Variants in ZNF585A observed in about 807,000 individuals in gnomAD.
The protein encoded by ZNF585A is zinc finger protein 585A.
A neutral mutation model predicts 14.9 loss-of-function variants in ZNF585A; 9 were observed. The ratio of observed to expected loss-of-function variants is 0.60; its 90% CI spans 0.36 to 1.05. The LOEUF (loss-of-function observed/expected upper bound fraction) is 1.05. ZNF585A is among the 50% of genes least tolerant of loss of function. ZNF585A has a pLI of 0.01. For missense variants in ZNF585A, 726 were observed against 926.4 expected, an observed-to-expected ratio of 0.78 and a Z score of 2.81; for synonymous variants, 276 against 319.9, an observed-to-expected ratio of 0.86 and a Z score of 1.46.
At position 37,148,094 on chromosome 19, in the gene ZNF585A, A is replaced by C. The variant is rs1971769224; in HGVS notation, c.*3495T>G. The C allele has an allele frequency of 1.3e-5, 2 of 152,214 alleles. No individual in the cohort carries two copies. Among genetic ancestry groups the C allele is most frequent in the Admixed American group, 1.3e-4 (2 of 15,286 alleles). 9.4% of individuals were successfully genotyped at this position (152,214 alleles called of 1,614,324 possible). ...ATGGTTAATAGTATAAGAAGCTGCCAAACTTTTGTGCATAGTGGACAGACC... is the reference window on the plus strand; with the variant it reads ...ATGGTTAATAGTATAAGAAGCTGCCCAACTTTTGTGCATAGTGGACAGACC... On this transcript the variant is annotated 3_prime_UTR_variant, in exon 5 of 5. Coordinates refer to ENST00000292841, the MANE Select transcript of ZNF585A (RefSeq NM_001288800.2).
chr19:37,162,154 C>T (rs2145409683), intron 2 of ZNF585A, among the ~76,000 whole-genome samples: 1 of 152,330 alleles, frequency 6.6e-6, no homozygotes, highest in South Asian at 2.1e-4. Flanking sequence ...GAACTCCTGA[C>T]CTCGGGTCAT....
Position 37,146,442 on chromosome 19 carries a change from G to A in ZNF585A, c.*5147C>T, listed in dbSNP as rs1971745477. ...AGTAGCCCATTTGAGAGCTGAGGGT[G>A]GAGGGTGTGATTCATCCTGGCATTA... is the stretch of plus-strand genomic sequence containing the variant. On this transcript the variant is annotated 3_prime_UTR_variant, in exon 5 of 5. Coordinates refer to ENST00000292841, the MANE Select transcript of ZNF585A (RefSeq NM_001288800.2). 6.6e-6 allele frequency: 1 copy of A among 152,108 alleles called. No individual in the cohort carries two copies. Among genetic ancestry groups the A allele is most frequent in the South Asian group, 2.1e-4 (1 of 4,818 alleles). 9.4% of individuals were successfully genotyped at this position (152,108 alleles called of 1,614,324 possible).
At chr19:37,161,413 T>C (rs1216448113) in intron 2 of ZNF585A, among the ~76,000 whole-genome samples, 1 of 152,204 alleles carries the variant, frequency 6.6e-6, no homozygotes, top group Non-Finnish European at 1.5e-5. Context: ...TTTCAAAACA[T>C]ACATAACATT....
chr19:37,155,724 G>T, intron 4 of ZNF585A, 141 bp downstream of exon 4: 1 of 858,818 alleles, frequency 1.2e-6, no homozygotes, highest in Non-Finnish European at 1.8e-6. Context: ...GAGAGGCCAA[G>T]GGGGCATCAA....
At chr19:37,167,493 T>C (rs934709364) in intron 2 of ZNF585A, among the ~76,000 whole-genome samples, 1 of 152,154 alleles carries the variant, frequency 6.6e-6, no homozygotes, top group Non-Finnish European at 1.5e-5. Flanking sequence ...GTGGTAAAAA[T>C]ACACATAACA....
chr19:37,160,938 G>C (rs866667673), intron 2 of ZNF585A, among the ~76,000 whole-genome samples: 2 of 151,858 alleles, frequency 1.3e-5, no homozygotes, highest in Admixed American at 1.3e-4. Context: ...CGTGATCATC[G>C]GTCACTGCAG....
chr19:37,153,190 T>C lies in ZNF585A; in HGVS notation c.709A>G (p.Thr237Ala). 1 of 1,614,190 alleles carries C rather than the reference T, an allele frequency of 6.2e-7. No individual in the cohort carries two copies. Among genetic ancestry groups the C allele is most frequent in the Non-Finnish European group, 8.5e-7 (1 of 1,180,022 alleles). Residue 237 changes from threonine to alanine, a missense_variant, in exon 5 of 5, where the codon ACT becomes GCT. This residue lies in a region of ZNF585A where 483 missense variants were observed against 542.8 expected (regional missense o/e 0.89). Coordinates refer to ENST00000292841, the MANE Select transcript of ZNF585A (RefSeq NM_001288800.2). Reference protein sequence around the residue: ...SDLSIHEKIHTGERHHECTDC... With the variant: ...SDLSIHEKIHAGERHHECTDC... ...GTGCATTCATGGTGTCTCTCTCCAGTATGAATTTTCTCATGTATACTGAGA... is the reference window on the plus strand; with the variant it reads ...GTGCATTCATGGTGTCTCTCTCCAGCATGAATTTTCTCATGTATACTGAGA...
At chr19:37,158,862 A>C (rs1599750945) in intron 2 of ZNF585A, among the ~76,000 whole-genome samples, 1 of 152,232 alleles carries the variant, frequency 6.6e-6, no homozygotes, top group African/African-American at 2.4e-5. Flanking sequence ...TCCGAGATAC[A>C]TATCAAGGTA....
chr19:37,156,399 G>A (rs1971932188), intron 2 of ZNF585A, 44 bp from the exon 3 acceptor site: 1 of 1,605,032 alleles, frequency 6.2e-7, no homozygotes, highest in African/African-American at 1.3e-5. Flanking sequence ...TCAGCTTAGA[G>A]GGTTGGAGAG....
chr19:37,155,070 G>A (rs1003639437), intron 4 of ZNF585A, among the ~76,000 whole-genome samples: 4 of 147,444 alleles, frequency 2.7e-5, no homozygotes, highest in South Asian at 2.1e-4. Context: ...GCGCGATCTC[G>A]GCTCACTGCA....
intron 2 of ZNF585A, among the ~76,000 whole-genome samples, chr19:37,167,939 A>G (rs965798102): frequency 6.6e-6 from 1 of 152,102 alleles, no homozygotes; most frequent in Non-Finnish European, 1.5e-5. Context: ...CTTACTTTTT[A>G]TTTCTAATTT....
chr19:37,169,960 A>C lies in ZNF585A; in HGVS notation c.-50T>G. On this transcript the variant is annotated 5_prime_UTR_variant, in exon 2 of 5. Transcript: ENST00000292841. ...TTCTGTAGGGTGTCTGAAGCTTGGC[A>C]GTCATCTGTGAACTCAAGCAGAGCT... 2 of 1,588,610 alleles carry C rather than the reference A, an allele frequency of 1.3e-6. No individual in the cohort carries two copies. The highest frequency in any genetic ancestry group is 1.7e-6 in the Non-Finnish European group (2 of 1,170,744).
chr19:37,170,389 AGTT>A (rs1344086226), intron 1 of ZNF585A, among the ~76,000 whole-genome samples: 1 of 152,262 alleles, frequency 6.6e-6, no homozygotes, highest in Non-Finnish European at 1.5e-5. Context: ...GATAGGTATT[AGTT>A]ACGGTGAAAT....
At chr19:37,153,975 T>G (rs990917514) in intron 4 of ZNF585A, among the ~76,000 whole-genome samples, 1 of 152,166 alleles carries the variant, frequency 6.6e-6, no homozygotes, top group Non-Finnish European at 1.5e-5. Flanking sequence ...TTCTTTCAAT[T>G]TGGAAAGAAA....
chr19:37,160,760 T>C (rs1416917581), intron 2 of ZNF585A, among the ~76,000 whole-genome samples: 1 of 152,150 alleles, frequency 6.6e-6, no homozygotes, highest in African/African-American at 2.4e-5. Flanking sequence ...ATGGATAAGA[T>C]AAACCATCTT....
At chr19:37,163,402 T>C (rs1208857736) in intron 2 of ZNF585A, among the ~76,000 whole-genome samples, 1 of 147,798 alleles carries the variant, frequency 6.8e-6, no homozygotes, top group Admixed American at 6.8e-5. Context: ...AATATAGTGA[T>C]ATAAATTTCT....
rs1971921006 is a variant in ZNF585A at position 37,155,899 on chromosome 19, T to C, written c.258A>G (p.Ala86=). 1.5e-5 allele frequency: 24 copies of C among 1,612,292 alleles called. No individual in the cohort carries two copies. The East Asian group carries it at 4.9e-4, about 33-fold the overall frequency. The part of the protein sequence containing the change: ...VMLEQGKEPW[A]LQGERPRQSC... ...TCTGACGTGGCCTCTCACCCTGCAG[T>C]GCCCATGGTTCCTTTCCTTGCTCCA... The change falls in exon 4 of 5, where the codon GCA becomes GCG. Residue 86 remains alanine, a synonymous_variant. Coordinates refer to ENST00000292841, the MANE Select transcript of ZNF585A (RefSeq NM_001288800.2).
rs1568495166 is a variant in ZNF585A, at chr19:37,156,266, A to G, written c.162T>C (p.Asp54=). 5 of 1,614,064 alleles carry G rather than the reference A, an allele frequency of 3.1e-6. No homozygotes were observed. In the Admixed American group the frequency reaches 8.3e-5, roughly 27 times the overall value. Reference sequence around the variant, plus strand: ...GGTGGCTGTAGGTCTCCAGCATCACATCCCGGTACAGGTTTCTCTGAGAAG... The same window carrying G: ...GGTGGCTGTAGGTCTCCAGCATCACGTCCCGGTACAGGTTTCTCTGAGAAG... ...LDPSQRNLYR[D]VMLETYSHLL... The change falls in exon 3 of 5, where the codon GAT becomes GAC. Residue 54 remains aspartate (D), a synonymous_variant. Coordinates refer to ENST00000292841, the MANE Select transcript of ZNF585A (RefSeq NM_001288800.2).
chr19:37,163,293 CA>C (rs752406356), intron 2 of ZNF585A, among the ~76,000 whole-genome samples: 3 of 150,962 alleles, frequency 2.0e-5, no homozygotes, highest in Non-Finnish European at 4.4e-5. Context: ...AAGAAGAATA[CA>C]CTAGAAATAA....
Sources: allele counts gnomAD v4.1 joint callset (sites outside exome capture counted in the v4.1 genomes callset), GRCh38; gene constraint gnomAD v4.1.1; regional missense constraint gnomAD v4.1.1; transcripts MANE v1.5; gene names NCBI Gene and HGNC (gene_info 2026-07-23, HGNC 2026-07-21).